NEB: variants seen among roughly 807,000 people sequenced by gnomAD.
NEB encodes the protein nemaline myopathy type 2.
In NEB, 512 loss-of-function variants were observed where a neutral mutation model predicts 952.2. The ratio of observed to expected loss-of-function variants is 0.54; its 90% CI spans 0.50 to 0.58. The LOEUF (loss-of-function observed/expected upper bound fraction) is 0.58. Among genes scored for constraint, NEB ranks in the 20% least tolerant of loss-of-function variants. The pLI is 0.00. For missense variants in NEB, 8,428 were observed against 9,231.1 expected (o/e 0.91, Z 3.56); for synonymous variants, 2,900 against 3,149.8 (o/e 0.92, Z 2.66).
intron 145 of NEB, 66 bp from the exon 146 acceptor site, chr2:151,529,380 CAAG>C (rs2153476342): frequency 9.4e-7 from 1 of 1,062,550 alleles, no homozygotes; most frequent in Admixed American, 1.8e-5. Context: ...TCTTAAAAAA[CAAG>C]AAATTAAATC....
At chr2:151,626,960 A>G in intron 70 of NEB, 42 bp downstream of exon 70, 1 of 1,596,342 alleles carries the variant, frequency 6.3e-7, no homozygotes, top group Non-Finnish European at 8.6e-7. Context: ...ATCTTGAATG[A>G]CATATAGCCC....
chr2:151,537,052 G>A (rs925701261), intron 141 of NEB, 80 bp downstream of exon 141: 57 of 816,266 alleles, frequency 7.0e-5, no homozygotes, highest in Non-Finnish European at 1.0e-4. Context: ...AAACATGAAA[G>A]ACTATTTCTC....
intron 65 of NEB, among the ~76,000 whole-genome samples, chr2:151,632,178 A>C (rs1336810379): frequency 6.6e-6 from 1 of 152,026 alleles, no homozygotes; most frequent in Non-Finnish European, 1.5e-5. Context: ...TTTTTGCTGA[A>C]GGTTTTTATA....
chr2:151,705,830 CA>C (rs2099703692), intron 13 of NEB, among the ~76,000 whole-genome samples: 1 of 152,118 alleles, frequency 6.6e-6, no homozygotes, highest in African/African-American at 2.4e-5. Flanking sequence ...AATGAAAAAC[CA>C]AATATCATAT....
At chr2:151,723,598 CA>C in intron 8 of NEB, 112 bp from the exon 9 acceptor site, 1 of 692,988 alleles carries the variant, frequency 1.4e-6, no homozygotes, top group Non-Finnish European at 2.4e-6. Context: ...CAGGTGAGAG[CA>C]AAGGTAAATG....
chr2:151,601,474 G>T (rs1371965826), intron 88 of NEB, among the ~76,000 whole-genome samples: 1 of 110,278 alleles, frequency 9.1e-6, no homozygotes, highest in Non-Finnish European at 1.8e-5. Flanking sequence ...CCCTATCTAC[G>T]TGGAAAAAAA....
At position 151,679,604 on chromosome 2, in the gene NEB, A is replaced by G. The variant is rs1460230038; in HGVS notation, c.3255+117T>C. The stretch of plus-strand genomic sequence containing the variant: ...AACTTTATTTCCTAAATAGTTTTCA[A>G]TCAGATTTGCTTCCAATTGGGGACT... On this transcript the variant is annotated intron_variant, in intron 32 of 181. Coordinates refer to ENST00000397345, the MANE Select transcript of NEB (RefSeq NM_001164508.2). 6 of 667,222 alleles carry G rather than the reference A, an allele frequency of 9.0e-6. No individual in the cohort carries two copies. The African/African-American group carries it at 9.1e-5, about 10-fold the overall frequency. The allele number at this position is 667,222 out of a possible 1,614,324, so 41.3% of individuals were successfully genotyped here.
intron 71 of NEB, 146 bp from the exon 72 acceptor site, chr2:151,621,172 T>G: frequency 1.6e-6 from 1 of 617,120 alleles, no homozygotes; most frequent in Admixed American, 2.9e-5. Flanking sequence ...TCTTTTACTT[T>G]CTGTTTATCC....
intron 52 of NEB, among the ~76,000 whole-genome samples, chr2:151,652,225 A>G (rs531138961): frequency 7.2e-5 from 11 of 152,092 alleles, no homozygotes; most frequent in Non-Finnish European, 1.5e-4. Flanking sequence ...AAATTCCTTT[A>G]AAGAATTTTT....
At chr2:151,671,776 G>T (rs1488504583) in intron 37 of NEB, among the ~76,000 whole-genome samples, 3 of 152,132 alleles carry the variant, frequency 2.0e-5, no homozygotes, top group Admixed American at 6.5e-5. Context: ...TTTTTATCGA[G>T]TGCCAATAAA....
Position 151,727,728 on chromosome 2 carries a change from A to T in NEB, c.257T>A (p.Ile86Asn), listed in dbSNP as rs754008028. The stretch of plus-strand genomic sequence containing the variant: ...ATCCTGCATTTTCTGACTGTGTGCA[A>T]TGTAGGGGGTCATGAACTTTGAAGG... ...VDPSKFMTPYIAHSQKMQDLF... is the reference protein window; with the variant it reads ...VDPSKFMTPYNAHSQKMQDLF... The change falls in exon 5 of 182, where the codon ATT becomes AAT. Residue 86 changes from isoleucine (I) to asparagine (N), a missense_variant. Physicochemically the swap from Ile to Asn is moderately radical, Grantham distance 149. Coordinates refer to ENST00000397345, the MANE Select transcript of NEB (RefSeq NM_001164508.2). 5 of 1,613,588 alleles carry T rather than the reference A, an allele frequency of 3.1e-6. No homozygotes were observed. The highest frequency in any genetic ancestry group is 4.2e-6 in the Non-Finnish European group (5 of 1,179,688).
rs544282408 is a variant in NEB, at chr2:151,619,748, T to C, written c.10575A>G (p.Glu3525=). 1.2e-6 allele frequency: 2 copies of C among 1,610,462 alleles called. No individual in the cohort carries two copies. Among genetic ancestry groups the C allele is most frequent in the Non-Finnish European group, 1.7e-6 (2 of 1,177,064 alleles). The part of the protein sequence containing the change: ...RDIASDYKYK[E]AYRKQLGHHI... ...GGTGACCCAACTGTTTACGATATGC[T>C]TCTTTGTATTTGTACTGAAAGAGAG... The change falls in exon 73 of 182, where the codon GAA becomes GAG. Residue 3525 remains glutamate (E), a synonymous_variant. Transcript: ENST00000397345.
Position 151,494,511 on chromosome 2 carries a change from C to CCAT in NEB, c.24487-261_24487-259dup, listed in dbSNP as rs200384957. Among the ~76,000 whole-genome samples, 612 of 152,282 alleles carry CCAT rather than the reference C, an allele frequency of 4.0e-3. 5 individuals carry two copies. The highest frequency in any genetic ancestry group is 0.014 in the African/African-American group (577 of 41,546). ...TGTTCCTCAAAAGGATGAGAAACCA[C>CCAT]CATCATTTTACCGCTAGTCTCTCAA... On this transcript the variant is annotated intron_variant, in intron 173 of 181. Coordinates refer to ENST00000397345, the MANE Select transcript of NEB (RefSeq NM_001164508.2).
At position 151,540,730 on chromosome 2, in the gene NEB, C is replaced by T. The variant is rs2153569748; in HGVS notation, c.20754G>A (p.Lys6918=). The T allele has an allele frequency of 6.2e-7, 1 of 1,613,676 alleles. No individual in the cohort carries two copies. The highest frequency in any genetic ancestry group is 8.5e-7 in the Non-Finnish European group (1 of 1,179,678). Residue 6918 remains lysine (K), a synonymous_variant, in exon 137 of 182, where the codon AAG becomes AAA. Coordinates refer to ENST00000397345, the MANE Select transcript of NEB (RefSeq NM_001164508.2). ...CCATGTCCTTCACGTCTTTAGCATGCTTCAAGGCTGTGGTCTGGTTTCCAG... is the reference window on the plus strand; with the variant it reads ...CCATGTCCTTCACGTCTTTAGCATGTTTCAAGGCTGTGGTCTGGTTTCCAG... The part of the protein sequence containing the change: ...HHAGNQTTAL[K]HAKDVKDMVS...
chr2:151,693,275 ATTT>A (rs2099572501), intron 20 of NEB, among the ~76,000 whole-genome samples: 1 of 151,948 alleles, frequency 6.6e-6, no homozygotes, highest in East Asian at 1.9e-4. Flanking sequence ...TCCAACTTTT[ATTT>A]TAAGTTCAGG....
At chr2:151,680,238 A>ATTC (rs1395998272) in intron 30 of NEB, among the ~76,000 whole-genome samples, 2 of 152,190 alleles carry the variant, frequency 1.3e-5, no homozygotes, top group African/African-American at 4.8e-5. Context: ...CAGTTTTGCA[A>ATTC]AGATCCCTTG....
intron 161 of NEB, 41 bp downstream of exon 161, chr2:151,512,692 T>G: frequency 3.7e-6 from 5 of 1,340,120 alleles, no homozygotes; most frequent in Non-Finnish European, 4.3e-6. Context: ...CATTCTTTCA[T>G]GATTGGGGTT....
chr2:151,517,154 G>A (rs1304209758), intron 156 of NEB, among the ~76,000 whole-genome samples: 1 of 152,132 alleles, frequency 6.6e-6, no homozygotes, highest in Non-Finnish European at 1.5e-5. Context: ...TAAAAAACCT[G>A]ACAGTCTCAA....
intron 133 of NEB, 99 bp downstream of exon 133, chr2:151,547,330 C>G: frequency 1.1e-6 from 1 of 878,150 alleles, no homozygotes; most frequent in East Asian, 2.6e-5. Context: ...AAGTGCTTAT[C>G]AGAAAAGGCT....
Sources: gnomAD v4.1 joint callset for allele counts (sites outside exome capture counted in the v4.1 genomes callset) on GRCh38, gnomAD v4.1.1 for gene constraint, MANE v1.5 for transcripts, NCBI Gene and HGNC (gene_info 2026-07-23, HGNC 2026-07-21) for gene names.